ARHGEF40: variants seen among roughly 807,000 people sequenced by gnomAD.
The protein encoded by ARHGEF40 is Rho guanine nucleotide exchange factor (GEF) 40.
ARHGEF40 carries 98 observed loss-of-function variants against 165.9 expected under a neutral mutation model. The ratio of observed to expected loss-of-function variants is 0.59; its 90% confidence interval spans 0.50 to 0.70. ARHGEF40 has a LOEUF of 0.70. ARHGEF40 is among the 30% of genes least tolerant of loss of function. ARHGEF40 has a pLI of 0.00. For synonymous variants in ARHGEF40, 792 were observed against 814.3 expected, an observed-to-expected ratio of 0.97 and a Z score of 0.47; for missense variants, 1,815 against 1,968.0, an observed-to-expected ratio of 0.92 and a Z score of 1.47.
Position 21,087,326 on chromosome 14 carries a change from G to A in ARHGEF40, c.4250G>A (p.Arg1417His), listed in dbSNP as rs147559585. 1.7e-4 allele frequency: 271 copies of A among 1,603,648 alleles called. No homozygotes were observed. Among genetic ancestry groups the A allele is most frequent in the Non-Finnish European group, 2.2e-4 (255 of 1,177,574 alleles). Reference sequence around the variant, plus strand: ...CACTCCCCACTCTCTGCAGCCGCCCGCACCCGGGCCTCCGTGGCCGTGTCA... The same window carrying A: ...CACTCCCCACTCTCTGCAGCCGCCCACACCCGGGCCTCCGTGGCCGTGTCA... ...LSALLTGRAA[R>H]TRASVAVSSF... Residue 1417 changes from arginine (R) to histidine (H), a missense_variant, in exon 21 of 24, where the codon CGC becomes CAC. Arg to His is a conservative substitution (Grantham distance 29). Transcript: ENST00000298694.
intron 22 of ARHGEF40, among the ~76,000 whole-genome samples, chr14:21,088,526 AAATT>A (rs1369219836): frequency 6.6e-6 from 1 of 151,248 alleles, no homozygotes; most frequent in Non-Finnish European, 1.5e-5. Context: ...AAAAAAAAAA[AAATT>A]AAATTAGCCG....
At chr14:21,061,265 T>C in the ARHGEF40 span, among the ~76,000 whole-genome samples, 1 of 152,222 alleles carries the variant, frequency 6.6e-6, no homozygotes, top group Non-Finnish European at 1.5e-5. Context: ...AGTTCAACCA[T>C]TCAATATCTG....
rs182618620 is a variant in ARHGEF40 at position 21,082,102 on chromosome 14, G to A, written c.3234G>A (p.Glu1078=). The A allele has an allele frequency of 2.8e-5, 43 of 1,562,586 alleles. No homozygotes were observed. Among genetic ancestry groups the A allele is most frequent in the Non-Finnish European group, 3.6e-5 (41 of 1,153,548 alleles). Residue 1078 remains glutamate, a synonymous_variant, in exon 14 of 24, where the codon GAG becomes GAA. Coordinates refer to ENST00000298694, the MANE Select transcript of ARHGEF40 (RefSeq NM_018071.5). ...GPWGVGTPRM[E]RKRSISAQQR... is the part of the protein sequence containing the mutation. ...GGGGAGTAGGCACCCCCCGGATGGA[G>A]CGCAAGCGAAGCATCAGGTGAGATC...
intron 18 of ARHGEF40, among the ~76,000 whole-genome samples, chr14:21,085,392 C>G (rs1256550750): frequency 1.3e-5 from 2 of 152,204 alleles, no homozygotes; most frequent in Non-Finnish European, 2.9e-5. Flanking sequence ...TTTGTACCCC[C>G]TGCACAGAGG....
upstream of ARHGEF40, among the ~76,000 whole-genome samples, chr14:21,065,316 C>G (rs1361156821): frequency 6.6e-6 from 1 of 152,148 alleles, no homozygotes; most frequent in East Asian, 1.9e-4. Flanking sequence ...TGACCCCAAG[C>G]CTCTGCCTTG....
At chr14:21,085,614 C>T in intron 18 of ARHGEF40, 75 bp from the exon 19 acceptor site, 3 of 1,530,060 alleles carry the variant, frequency 2.0e-6, no homozygotes, top group East Asian at 2.3e-5. Flanking sequence ...CCAGGCGAAG[C>T]CCAGTGCTTG....
At chr14:21,061,549 T>C in the ARHGEF40 span, among the ~76,000 whole-genome samples, 1 of 152,064 alleles carries the variant, frequency 6.6e-6, no homozygotes, top group Admixed American at 6.6e-5. Flanking sequence ...CCCAATAGCC[T>C]TGGGACCGAA....
intron 5 of ARHGEF40, among the ~76,000 whole-genome samples, 162 bp from the exon 6 acceptor site, chr14:21,076,198 C>T (rs190235246): frequency 6.6e-6 from 1 of 152,290 alleles, no homozygotes; most frequent in East Asian, 1.9e-4. Flanking sequence ...GTACACACAC[C>T]CCAGAATTTG....
chr14:21,075,866 A>G lies in ARHGEF40; in HGVS notation c.1739+101A>G, dbSNP rs1594556697. ...GACACTGACCTTCTGACCTCTAAGG[A>G]CACCTACTTCTTCAACCTTCAGACT... is the stretch of plus-strand genomic sequence containing the variant. On this transcript the variant is annotated intron_variant, in intron 5 of 23. Coordinates refer to ENST00000298694, the MANE Select transcript of ARHGEF40 (RefSeq NM_018071.5). This position sits in a 1 kb window ranked among gnomAD's most constrained non-coding sequence, Gnocchi z 4.5. The G allele has an allele frequency of 2.8e-6, 4 of 1,436,896 alleles. No individual in the cohort carries two copies. In the Admixed American group the frequency reaches 6.6e-5, roughly 24 times the overall value. 89.0% of individuals were successfully genotyped at this position (1,436,896 alleles called of 1,614,324 possible). A position where few individuals can be genotyped will look rare whatever the true frequency, so the allele number is the denominator to read the frequency against.
At chr14:21,077,644 C>T (rs1164261616) in intron 8 of ARHGEF40, among the ~76,000 whole-genome samples, 1 of 152,158 alleles carries the variant, frequency 6.6e-6, no homozygotes, top group Admixed American at 6.5e-5. Context: ...CTCATCAGCG[C>T]AGTATAACAA....
chr14:21,062,577 G>T, the ARHGEF40 span, among the ~76,000 whole-genome samples: 2 of 152,180 alleles, frequency 1.3e-5, no homozygotes, highest in African/African-American at 4.8e-5. Context: ...CCCAGAAAAA[G>T]TAAAACTCAA....
intron 8 of ARHGEF40, among the ~76,000 whole-genome samples, chr14:21,077,670 T>C (rs950004660): frequency 6.6e-6 from 1 of 152,212 alleles, no homozygotes; most frequent in Non-Finnish European, 1.5e-5. Flanking sequence ...ATATAATTGC[T>C]AAAGGTCCTT....
At chr14:21,076,245 T>A in intron 5 of ARHGEF40, 115 bp from the exon 6 acceptor site, 1 of 852,352 alleles carries the variant, frequency 1.2e-6, no homozygotes, top group Non-Finnish European at 1.8e-6. Flanking sequence ...TACCGGCAAC[T>A]AATTTCTCCT....
rs143957773 is a variant in ARHGEF40, at chr14:21,085,722, G to A, written c.3994G>A (p.Asp1332Asn). 2.7e-5 allele frequency: 43 copies of A among 1,614,134 alleles called. No homozygotes were observed. In the East Asian group the frequency reaches 9.6e-4, roughly 36 times the overall value. ...TATGGGGCTGACAGAAAACATCGGG[G>A]ACAGCGGACTCTGCTTTGAGTTGTG... ...ADMGLTENIGDSGLCFELWFR... is the reference protein window; with the variant it reads ...ADMGLTENIGNSGLCFELWFR... Residue 1332 changes from aspartate (D) to asparagine (N), a missense_variant, in exon 19 of 24, where the codon GAC (aspartate) becomes AAC (asparagine). Coordinates refer to ENST00000298694, the MANE Select transcript of ARHGEF40 (RefSeq NM_018071.5).
chr14:21,070,833 T>C lies in ARHGEF40; in HGVS notation c.3+434T>C. 6.5e-7 allele frequency: 1 copy of C among 1,535,630 alleles called. No homozygotes were observed. The highest frequency in any genetic ancestry group is 1.2e-5 in the South Asian group (1 of 84,060). On this transcript the variant is annotated intron_variant, in intron 1 of 23. Transcript: ENST00000298694. This position sits in a 1 kb window ranked among gnomAD's most constrained non-coding sequence, Gnocchi z 4.7. ...CTCGGGTCATGAGAACTGACCTGCA[T>C]GGAACCACCATTTTCCATCCCTGTC...
chr14:21,087,519 A>C, intron 21 of ARHGEF40, 56 bp downstream of exon 21: 1 of 1,584,702 alleles, frequency 6.3e-7, no homozygotes, highest in Non-Finnish European at 8.6e-7. Context: ...GGTGATGTTC[A>C]GGCTGCTTGC....
At chr14:21,078,113 C>T in intron 8 of ARHGEF40, 64 bp from the exon 9 acceptor site, 1 of 1,483,106 alleles carries the variant, frequency 6.7e-7, no homozygotes, top group Non-Finnish European at 9.1e-7. Flanking sequence ...CGCACCCCAA[C>T]CCTAGGGCTT....
In ARHGEF40 at chr14:21,070,874, C is replaced by T. The variant is rs1340098842; in HGVS notation, c.3+475C>T. 5.9e-6 allele frequency: 9 copies of T among 1,535,646 alleles called. No individual in the cohort carries two copies. The highest frequency in any genetic ancestry group is 7.0e-6 in the Non-Finnish European group (8 of 1,146,848). ...CATCCCTGTCCCCAACCCGGTGAGG[C>T]AGGCCCACCCATCCGGCCCTAGGGG... On this transcript the variant is annotated intron_variant, in intron 1 of 23. Coordinates refer to ENST00000298694, the MANE Select transcript of ARHGEF40 (RefSeq NM_018071.5). This position sits in a 1 kb window ranked among gnomAD's most constrained non-coding sequence, Gnocchi z 4.7.
At chr14:21,087,890 C>T in intron 21 of ARHGEF40, 78 bp from the exon 22 acceptor site, 2 of 1,594,996 alleles carry the variant, frequency 1.3e-6, no homozygotes, top group Non-Finnish European at 1.7e-6. Flanking sequence ...GCTTTTTCTT[C>T]CCTGATGGAG....
Sources: gnomAD v4.1 joint callset for allele counts (sites outside exome capture counted in the v4.1 genomes callset) on GRCh38, gnomAD v4.1.1 for gene constraint, Gnocchi (gnomAD v3.1) non-coding constraint, MANE v1.5 for transcripts, NCBI Gene and HGNC (gene_info 2026-07-23, HGNC 2026-07-21) for gene names.